Variants in MACROD1 observed in about 807,000 individuals in gnomAD.
MACROD1 encodes the protein ADP-ribose glycohydrolase MACROD1.
A neutral mutation model predicts 41.4 loss-of-function variants in MACROD1; 31 were observed. That is an observed-to-expected ratio of 0.75 (90% confidence interval 0.56 to 1.01). The LOEUF is 1.01. Ranked by LOEUF, MACROD1 falls within the 50% of genes least tolerant of loss-of-function variation. The pLI, the probability that MACROD1 is intolerant of heterozygous loss-of-function variation, is 0.00. For missense variants in MACROD1, 473 were observed against 460.0 expected (o/e 1.03, Z -0.26); for synonymous variants, 252 against 203.4 (o/e 1.24, Z -2.03).
At chr11:64,050,086 G>A (rs949365835) in intron 3 of MACROD1, among the ~76,000 whole-genome samples, 8 of 152,266 alleles carry the variant, frequency 5.3e-5, no homozygotes, top group South Asian at 4.1e-4. Context: ...AGATCTCTCC[G>A]GAGGCTGGGA....
intron 4 of MACROD1, among the ~76,000 whole-genome samples, chr11:64,000,657 G>C (rs1342285938): frequency 1.3e-5 from 2 of 151,968 alleles, no homozygotes; most frequent in Non-Finnish European, 2.9e-5. Context: ...GCTCCGGGAG[G>C]CGGGGGCCGC....
At chr11:64,153,198 G>T (rs914844816) in intron 1 of MACROD1, among the ~76,000 whole-genome samples, 3 of 152,076 alleles carry the variant, frequency 2.0e-5, no homozygotes, top group Admixed American at 6.6e-5. Context: ...GTCTCAGAAG[G>T]GCCCGCCCCG....
chr11:64,055,083 C>A (rs377453938), intron 3 of MACROD1, among the ~76,000 whole-genome samples: 2 of 152,134 alleles, frequency 1.3e-5, no homozygotes, highest in Admixed American at 6.5e-5. Context: ...CCAGCCTGGT[C>A]CAGAAGGTGA....
chr11:64,079,176 C>T (rs571490837), intron 3 of MACROD1, among the ~76,000 whole-genome samples: 193 of 152,198 alleles, frequency 1.3e-3, no homozygotes, highest in Non-Finnish European at 2.5e-3. Flanking sequence ...GACTTGCTGA[C>T]GACTGTGTGT....
At chr11:64,058,299 G>A (rs1292918550) in intron 3 of MACROD1, among the ~76,000 whole-genome samples, 3 of 152,268 alleles carry the variant, frequency 2.0e-5, no homozygotes, top group South Asian at 2.1e-4. Flanking sequence ...CGGCTCTGCT[G>A]TGCTCCTTGG....
At position 64,082,801 on chromosome 11, in the gene MACROD1, C is replaced by T. The variant is rs1385375880; in HGVS notation, c.518-67520G>A. Reference sequence around the variant, plus strand: ...CTGAAAGTCACCTGCTCCCATTTCCCCTGTTTCCCTCAGCTCAGACATCAC... The same window carrying T: ...CTGAAAGTCACCTGCTCCCATTTCCTCTGTTTCCCTCAGCTCAGACATCAC... On this transcript the variant is annotated intron_variant, in intron 3 of 10. Coordinates refer to ENST00000255681, the MANE Select transcript of MACROD1 (RefSeq NM_014067.4). This position sits in a 1 kb window ranked among gnomAD's most constrained non-coding sequence, Gnocchi z 4.5. Among the ~76,000 whole-genome samples the T allele has an allele frequency of 6.6e-6, 1 of 152,184 alleles. No individual in the cohort carries two copies. Among genetic ancestry groups the T allele is most frequent in the African/African-American group, 2.4e-5 (1 of 41,428 alleles).
intron 8 of MACROD1, 125 bp downstream of exon 8, chr11:63,999,206 G>A: frequency 7.2e-7 from 1 of 1,391,842 alleles, no homozygotes; most frequent in Non-Finnish European, 9.8e-7. Context: ...CCTTGCGCAG[G>A]AGAAACAGGG....
At chr11:64,072,929 C>T (rs1944135335) in intron 3 of MACROD1, among the ~76,000 whole-genome samples, 2 of 152,282 alleles carry the variant, frequency 1.3e-5, no homozygotes, top group South Asian at 4.1e-4. Context: ...CTCAAGGTGA[C>T]CTTCCCCAAA....
chr11:64,092,003 C>T (rs118116176), intron 3 of MACROD1, among the ~76,000 whole-genome samples: 3,070 of 152,308 alleles, frequency 0.02, 50 homozygotes, highest in Non-Finnish European at 0.031. Context: ...GGGCTGCCGG[C>T]CCTCTATCCC....
chr11:64,025,997 A>G (rs1021893356), intron 3 of MACROD1, among the ~76,000 whole-genome samples: 1 of 152,068 alleles, frequency 6.6e-6, no homozygotes, highest in Non-Finnish European at 1.5e-5. Context: ...CCTGGCCAAC[A>G]TGGTGAAACC....
intron 3 of MACROD1, chr11:64,117,709 C>G: frequency 6.2e-7 from 1 of 1,613,588 alleles, no homozygotes. Flanking sequence ...GGCTCCATCA[C>G]GGAGACCTTG....
intron 3 of MACROD1, among the ~76,000 whole-genome samples, chr11:64,023,484 C>T (rs1460475386): frequency 1.3e-5 from 2 of 152,158 alleles, no homozygotes; most frequent in African/African-American, 4.8e-5. Context: ...GCAGTGGGCC[C>T]CGAAGCTGGG....
intron 3 of MACROD1, among the ~76,000 whole-genome samples, chr11:64,108,813 C>A (rs905794479): frequency 2.0e-5 from 3 of 152,178 alleles, no homozygotes; most frequent in Non-Finnish European, 4.4e-5. Context: ...TGCAAGGGAC[C>A]CCACCTGGGG....
chr11:64,072,992 C>A (rs1944136421), intron 3 of MACROD1, among the ~76,000 whole-genome samples: 1 of 152,188 alleles, frequency 6.6e-6, no homozygotes. Flanking sequence ...GGTCCTGCAG[C>A]CCAGAGAGGG....
chr11:64,120,804 GGA>G lies in MACROD1; in HGVS notation c.517+30433_517+30434del, dbSNP rs1000058880. ...CCGAGGTGTGCCACGTTGGCACAGG[GGA>G]CAGAAGTCCCAGGTCTCTGCTGATT... is the stretch of plus-strand genomic sequence containing the variant. On this transcript the variant is annotated intron_variant, in intron 3 of 10. Coordinates refer to ENST00000255681, the MANE Select transcript of MACROD1 (RefSeq NM_014067.4). The surrounding 1 kb of genome is among the most constrained non-coding windows in gnomAD (Gnocchi z 4.5). 1.3e-5 allele frequency among the ~76,000 whole-genome samples: 2 copies of G among 152,080 alleles called. No homozygotes were observed. The highest frequency in any genetic ancestry group is 2.9e-5 in the Non-Finnish European group (2 of 67,992).
chr11:64,085,631 C>T (rs572818184), intron 3 of MACROD1, among the ~76,000 whole-genome samples: 2 of 152,338 alleles, frequency 1.3e-5, no homozygotes, highest in African/African-American at 2.4e-5. Flanking sequence ...TCCTCTGCCC[C>T]ACATGGCTGT....
chr11:64,044,248 C>A (rs1943543299), intron 3 of MACROD1, among the ~76,000 whole-genome samples: 1 of 150,662 alleles, frequency 6.6e-6, no homozygotes, highest in Non-Finnish European at 1.5e-5. Flanking sequence ...GTTCCCCCAA[C>A]AACTTTTTTT....
At chr11:64,099,479 T>G (rs546377553) in intron 3 of MACROD1, among the ~76,000 whole-genome samples, 2 of 152,136 alleles carry the variant, frequency 1.3e-5, no homozygotes, top group South Asian at 4.2e-4. Context: ...AATGGATGAA[T>G]GGAGAGACGG....
chr11:64,142,069 G>A (rs748272546), intron 3 of MACROD1, among the ~76,000 whole-genome samples: 1 of 152,140 alleles, frequency 6.6e-6, no homozygotes, highest in Non-Finnish European at 1.5e-5. Flanking sequence ...ACCTAGAAAT[G>A]CCCACCACCA....
Sources: gnomAD v4.1 joint callset for allele counts (sites outside exome capture counted in the v4.1 genomes callset) on GRCh38, gnomAD v4.1.1 for gene constraint, Gnocchi (gnomAD v3.1) non-coding constraint, MANE v1.5 for transcripts, NCBI Gene and HGNC (gene_info 2026-07-23, HGNC 2026-07-21) for gene names.